Variants in CNGB1 observed in about 807,000 individuals in gnomAD.
CNGB1 encodes the protein cyclic nucleotide gated channel subunit beta 1.
A neutral mutation model predicts 151.7 loss-of-function variants in CNGB1; 126 were observed. The ratio of observed to expected loss-of-function variants is 0.83; its 90% CI spans 0.72 to 0.96. The LOEUF (loss-of-function observed/expected upper bound fraction) is 0.96, where lower values mean the gene tolerates loss of function less well. Ranked by LOEUF, CNGB1 falls within the 40% of genes least tolerant of loss-of-function variation. The pLI, the probability that CNGB1 is intolerant of heterozygous loss-of-function variation, is 0.00. For synonymous variants in CNGB1, 623 were observed against 635.1 expected, an observed-to-expected ratio of 0.98 and a Z score of 0.29; for missense variants, 1,698 against 1,627.0, an observed-to-expected ratio of 1.04 and a Z score of -0.75.
chr16:57,892,128 G>T (rs535312842), intron 31 of CNGB1, among the ~76,000 whole-genome samples: 1 of 150,150 alleles, frequency 6.7e-6, no homozygotes, highest in Admixed American at 6.7e-5. Context: ...ACACCTCTTC[G>T]CAGTACAAGA....
In CNGB1 at chr16:57,923,407, C is replaced by A. The variant is rs375378241; in HGVS notation, c.1536-27G>T. 85 of 1,587,464 alleles carry A rather than the reference C, an allele frequency of 5.4e-5. No individual in the cohort carries two copies. The Admixed American group carries it at 9.5e-4, about 18-fold the overall frequency. ...TGCAAAGACACAGATGTGGAAGGGG[C>A]CTTCAGCAAAGGCAGAGGCCCCAGG... On this transcript the variant is annotated intron_variant, in intron 17 of 32. Coordinates refer to ENST00000251102, the MANE Select transcript of CNGB1 (RefSeq NM_001297.5).
At chr16:57,911,358 G>A (rs1233061495) in intron 25 of CNGB1, among the ~76,000 whole-genome samples, 3 of 152,110 alleles carry the variant, frequency 2.0e-5, no homozygotes, top group Admixed American at 6.5e-5. Context: ...GCACGATCTC[G>A]GCTCATTGCA....
At chr16:57,957,318 G>A (rs1220893474) in intron 12 of CNGB1, 23 bp downstream of exon 12, 3 of 1,609,230 alleles carry the variant, frequency 1.9e-6, no homozygotes, top group Non-Finnish European at 2.6e-6. Flanking sequence ...ATGTACATGG[G>A]GACTCAGTAA....
At chr16:57,919,011 T>C (rs1960954131) in intron 20 of CNGB1, 88 bp downstream of exon 20, 3 of 1,594,486 alleles carry the variant, frequency 1.9e-6, no homozygotes, top group African/African-American at 1.3e-5. Flanking sequence ...ATCCCACCTC[T>C]TGAATCCCCT....
In CNGB1 at chr16:57,883,672, G is replaced by A. The variant is rs1180134782; in HGVS notation, c.*492C>T. 1.1e-5 allele frequency: 2 copies of A among 180,092 alleles called. No homozygotes were observed. Among genetic ancestry groups the A allele is most frequent in the Non-Finnish European group, 2.3e-5 (2 of 85,824 alleles). The allele number at this position is 180,092 out of a possible 1,614,324, so 11.2% of individuals were successfully genotyped here. A position where few individuals can be genotyped will look rare whatever the true frequency, so the allele number is the denominator to read the frequency against. Reference sequence around the variant, plus strand: ...GGCCTCCAGTGATCCTCCTGCTTCGGCTTCCCAAAGCACTGGGATTATAGG... The same window carrying A: ...GGCCTCCAGTGATCCTCCTGCTTCGACTTCCCAAAGCACTGGGATTATAGG... On this transcript the variant is annotated 3_prime_UTR_variant, in exon 33 of 33. Transcript: ENST00000251102.
At chr16:57,928,052 A>C (rs1484579874) in intron 17 of CNGB1, among the ~76,000 whole-genome samples, 6 of 152,204 alleles carry the variant, frequency 3.9e-5, no homozygotes. Flanking sequence ...AGCAAAAATT[A>C]ACTAAGAAGA....
At chr16:57,929,571 G>T (rs1961290348) in intron 17 of CNGB1, among the ~76,000 whole-genome samples, 1 of 152,084 alleles carries the variant, frequency 6.6e-6, no homozygotes, top group African/African-American at 2.4e-5. Flanking sequence ...TAACTGGGAG[G>T]CCTCAGGAAA....
intron 10 of CNGB1, 55 bp downstream of exon 10, chr16:57,959,833 G>T: frequency 6.9e-7 from 1 of 1,440,526 alleles, no homozygotes. Context: ...GTTAGGCGGG[G>T]ACAAGGTGCT....
chr16:57,911,931 G>T, intron 24 of CNGB1, 56 bp from the exon 25 acceptor site: 8 of 1,604,938 alleles, frequency 5.0e-6, no homozygotes, highest in Non-Finnish European at 6.8e-6. Context: ...GTGAGGTATA[G>T]ACACCTGGAC....
chr16:57,896,513 G>A (rs1274876100), intron 31 of CNGB1, among the ~76,000 whole-genome samples: 1 of 151,818 alleles, frequency 6.6e-6, no homozygotes, highest in African/African-American at 2.4e-5. Flanking sequence ...AGGAGTTTGA[G>A]ACCAGCCTGA....
chr16:57,903,699 G>T, intron 27 of CNGB1, 123 bp downstream of exon 27: 2 of 1,216,496 alleles, frequency 1.6e-6, no homozygotes, highest in African/African-American at 1.5e-5. Context: ...GCCAAGACAG[G>T]CCCCAGTACT....
At chr16:57,923,219 T>TCCCCCCCCCCCC in intron 18 of CNGB1, 54 bp downstream of exon 18, 6 of 923,456 alleles carry the variant, frequency 6.5e-6, no homozygotes, top group Admixed American at 3.8e-5. Context: ...CCCCCCCACA[T>TCCCCCCCCCCCC]CCCCCACCCT....
Position 57,884,265 on chromosome 16 carries a change from C to T in CNGB1, c.3655G>A (p.Glu1219Lys), listed in dbSNP as rs773308978. ...EGEEEGPAEP[E>K]EHSVRICMSP... Reference sequence around the variant, plus strand: ...ATGCAGATCCTCACCGAGTGCTCTTCGGGCTCGGCCGGCCCCTCCTCCTCT... The same window carrying T: ...ATGCAGATCCTCACCGAGTGCTCTTTGGGCTCGGCCGGCCCCTCCTCCTCT... The change falls in exon 33 of 33, where the codon GAA becomes AAA. Residue 1219 changes from glutamate (E) to lysine (K), a missense_variant. By Grantham distance (56) the Glu-to-Lys change is moderately conservative. Coordinates refer to ENST00000251102, the MANE Select transcript of CNGB1 (RefSeq NM_001297.5). The T allele has an allele frequency of 1.4e-5, 22 of 1,613,722 alleles. No homozygotes were observed. Among genetic ancestry groups the T allele is most frequent in the South Asian group, 3.3e-5 (3 of 91,086 alleles).
chr16:57,929,434 TGAGA>T (rs149439991), intron 17 of CNGB1, among the ~76,000 whole-genome samples: 471 of 116,424 alleles, frequency 4.0e-3, no homozygotes, highest in Non-Finnish European at 5.9e-3. Flanking sequence ...TACACAGCAG[TGAGA>T]GAGAGAGAGA....
chr16:57,898,037 G>A, intron 29 of CNGB1, 123 bp from the exon 30 acceptor site: 2 of 941,894 alleles, frequency 2.1e-6, no homozygotes, highest in South Asian at 2.6e-5. Context: ...GTCCAGCCCT[G>A]CCACCACAAC....
intron 32 of CNGB1, among the ~76,000 whole-genome samples, chr16:57,884,769 G>T (rs2149350442): frequency 6.6e-6 from 1 of 152,138 alleles, no homozygotes; most frequent in African/African-American, 2.4e-5. Flanking sequence ...CCTCCCCCGA[G>T]CTATTGAAGC....
At chr16:57,950,598 T>C (rs1177515386) in intron 12 of CNGB1, 58 bp from the exon 13 acceptor site, 3 of 1,594,174 alleles carry the variant, frequency 1.9e-6, no homozygotes, top group Non-Finnish European at 2.6e-6. Context: ...GGCTTGGGCC[T>C]CTGAGTCCCA....
chr16:57,962,916 C>T (rs761312675), intron 5 of CNGB1, 44 bp from the exon 6 acceptor site: 2 of 1,612,060 alleles, frequency 1.2e-6, no homozygotes, highest in African/African-American at 1.3e-5. Flanking sequence ...AGCCCAAGGG[C>T]AGCCTCCCCA....
At chr16:57,933,197 G>C (rs1459302147) in intron 16 of CNGB1, among the ~76,000 whole-genome samples, 4 of 152,184 alleles carry the variant, frequency 2.6e-5, no homozygotes, top group African/African-American at 9.7e-5. Context: ...CAAAGTGCTG[G>C]GATTACAGGC....
Sources: allele counts gnomAD v4.1 joint callset (sites outside exome capture counted in the v4.1 genomes callset), GRCh38; gene constraint gnomAD v4.1.1; transcripts MANE v1.5; gene names NCBI Gene and HGNC (gene_info 2026-07-23, HGNC 2026-07-21).